NFX1: variants seen among roughly 807,000 people sequenced by gnomAD.
NFX1 encodes the protein transcriptional repressor NF-X1.
Under a neutral mutation model 137.2 loss-of-function variants are expected in NFX1, and 69 were observed. The observed-to-expected ratio is 0.50, with a 90% CI of 0.41 to 0.61. The LOEUF (loss-of-function observed/expected upper bound fraction) is 0.61. Ranked by LOEUF, NFX1 falls within the 20% of genes least tolerant of loss-of-function variation. NFX1 has a pLI of 0.00. For missense variants in NFX1, 1,167 were observed against 1,391.0 expected, an observed-to-expected ratio of 0.84 and a Z score of 2.56; for synonymous variants, 495 against 474.1, an observed-to-expected ratio of 1.04 and a Z score of -0.57.
chr9:33,352,564 A>T, intron 16 of NFX1, 82 bp from the exon 17 acceptor site: 1 of 1,208,458 alleles, frequency 8.3e-7, no homozygotes, highest in Non-Finnish European at 1.2e-6. Context: ...GCTATGGTTT[A>T]AGAGAGGATT....
intron 16 of NFX1, 96 bp from the exon 17 acceptor site, chr9:33,352,550 C>G (rs1206152607): frequency 4.7e-6 from 5 of 1,060,680 alleles, no homozygotes; most frequent in Non-Finnish European, 7.3e-6. Flanking sequence ...ACTCTCTAGT[C>G]TCTGCTATGG....
intron 6 of NFX1, 43 bp downstream of exon 6, chr9:33,311,220 A>G (rs371433824): frequency 6.5e-7 from 1 of 1,527,970 alleles, no homozygotes; most frequent in Non-Finnish European, 9.1e-7. Context: ...CAGTTTTCAC[A>G]TGCATGATTG....
intron 15 of NFX1, among the ~76,000 whole-genome samples, chr9:33,349,018 C>A (rs1289072090): frequency 6.6e-6 from 1 of 152,196 alleles, no homozygotes; most frequent in African/African-American, 2.4e-5. Flanking sequence ...CCACTGATTT[C>A]CTGTGGGTGG....
intron 2 of NFX1, among the ~76,000 whole-genome samples, chr9:33,297,263 A>C (rs906835705): frequency 6.6e-6 from 1 of 152,168 alleles, no homozygotes. Context: ...TCTCCAGTTT[A>C]ATGTGAGATA....
chr9:33,345,196 G>A (rs1033035749), intron 14 of NFX1, among the ~76,000 whole-genome samples: 2 of 149,632 alleles, frequency 1.3e-5, no homozygotes, highest in Non-Finnish European at 3.0e-5. Context: ...GAAAAAAAAG[G>A]CCGGGTGCAG....
chr9:33,296,061 G>A (rs1037148013), intron 2 of NFX1, among the ~76,000 whole-genome samples: 6 of 152,108 alleles, frequency 3.9e-5, no homozygotes, highest in Admixed American at 6.5e-5. Context: ...CGAGTAGCTG[G>A]GATTACAGGC....
chr9:33,324,550 AAAGG>A (rs1822507447), intron 9 of NFX1, among the ~76,000 whole-genome samples: 1 of 152,170 alleles, frequency 6.6e-6, no homozygotes, highest in South Asian at 2.1e-4. Context: ...ACCCTTTCTC[AAAGG>A]AAGAAGAAAA....
chr9:33,318,657 TTA>T, intron 7 of NFX1, 72 bp from the exon 8 acceptor site: 7 of 1,386,876 alleles, frequency 5.0e-6, no homozygotes, highest in Non-Finnish European at 7.1e-6. Context: ...TTGTATTTTC[TTA>T]TAGATTATTT....
chr9:33,344,458 C>G (rs574164570), intron 14 of NFX1, among the ~76,000 whole-genome samples: 1 of 152,300 alleles, frequency 6.6e-6, no homozygotes, highest in East Asian at 1.9e-4. Flanking sequence ...ACTTTTCTTT[C>G]TTTGTGGTCT....
chr9:33,364,254 A>C, intron 20 of NFX1, 146 bp downstream of exon 20: 1 of 553,178 alleles, frequency 1.8e-6, no homozygotes, highest in Non-Finnish European at 3.1e-6. Context: ...TGTGCTGTTT[A>C]ATAAATATCC....
chr9:33,307,321 G>A (rs375818086), intron 5 of NFX1, 22 bp downstream of exon 5: 260 of 1,574,380 alleles, frequency 1.7e-4, no homozygotes, highest in Non-Finnish European at 1.9e-4. Flanking sequence ...TGCTAATTCC[G>A]TTGGGATTGC....
At chr9:33,347,717 A>G (rs575022931) in intron 15 of NFX1, 1 of 436,820 alleles carries the variant, frequency 2.3e-6, no homozygotes, top group East Asian at 7.4e-5. Context: ...TATGAAAAAG[A>G]TACCTGCACA....
intron 21 of NFX1, chr9:33,365,080 C>G: frequency 1.3e-6 from 1 of 791,610 alleles, no homozygotes; most frequent in East Asian, 7.1e-5. Context: ...TCTAGATCAG[C>G]TTGGCCAACA....
chr9:33,306,702 G>C (rs1464728059), intron 4 of NFX1, among the ~76,000 whole-genome samples: 8 of 152,170 alleles, frequency 5.3e-5, no homozygotes. Flanking sequence ...GATTATAAAA[G>C]TATAAGGTCT....
At chr9:33,347,138 G>C (rs1444045953) in intron 15 of NFX1, 21 bp downstream of exon 15, 2 of 1,576,192 alleles carry the variant, frequency 1.3e-6, no homozygotes, top group Admixed American at 1.7e-5. Flanking sequence ...TCTCTCAAGT[G>C]CTCATTGTTC....
rs574571432 is a variant in NFX1 at position 33,322,046 on chromosome 9, C to T, written c.1906+2919C>T. ...TGAAACCCCGTCTCTACTAAAAATA[C>T]AAAAATTAGCCAGGCATGGTGGCAC... is the stretch of plus-strand genomic sequence containing the variant. On this transcript the variant is annotated intron_variant, in intron 9 of 23. Transcript: ENST00000379540. Among the ~76,000 whole-genome samples, 6 of 151,048 alleles carry T rather than the reference C, an allele frequency of 4.0e-5. No homozygotes were observed. The East Asian group carries it at 1.2e-3, about 30-fold the overall frequency.
chr9:33,328,794 C>A, intron 10 of NFX1, 116 bp downstream of exon 10: 1 of 777,972 alleles, frequency 1.3e-6, no homozygotes, highest in Non-Finnish European at 2.1e-6. Context: ...GTGGTTGTGG[C>A]ACTCAAGGTC....
chr9:33,341,487 AAC>A (rs1291400335), intron 12 of NFX1, among the ~76,000 whole-genome samples: 1 of 152,228 alleles, frequency 6.6e-6, no homozygotes, highest in Non-Finnish European at 1.5e-5. Flanking sequence ...TAAACAAGGT[AAC>A]ACAGTACCAA....
intron 4 of NFX1, among the ~76,000 whole-genome samples, chr9:33,304,800 T>C (rs1264519067): frequency 6.6e-6 from 1 of 152,200 alleles, no homozygotes; most frequent in Admixed American, 6.5e-5. Flanking sequence ...AAAGGCAGCA[T>C]GAAACTGGAA....
Sources: allele counts gnomAD v4.1 joint callset (sites outside exome capture counted in the v4.1 genomes callset), GRCh38; gene constraint gnomAD v4.1.1; transcripts MANE v1.5; gene names NCBI Gene and HGNC (gene_info 2026-07-23, HGNC 2026-07-21).